The following ESR1 variants were observed in gnomAD, a reference collection of about 807,000 sequenced individuals.
ESR1 encodes the protein estrogen receptor 1, also known as estrogen receptor.
Under a neutral mutation model 52.7 loss-of-function variants are expected in ESR1, and 12 were observed. That is an observed-to-expected ratio of 0.23 (90% confidence interval 0.15 to 0.37). ESR1 has a LOEUF of 0.37. Ranked by LOEUF, ESR1 falls within the 10% of genes least tolerant of loss-of-function variation. ESR1 has a pLI of 1.00. For missense variants in ESR1, 584 were observed against 779.7 expected (o/e 0.75, Z 2.99); for synonymous variants, 305 against 316.8 (o/e 0.96, Z 0.39).
At position 151,832,313 on chromosome 6, in the gene ESR1, G is replaced by T. The variant is rs139824366; in HGVS notation, c.453-10284G>T. On this transcript the variant is annotated intron_variant, in intron 1 of 7. Coordinates refer to ENST00000206249, the MANE Select transcript of ESR1 (RefSeq NM_000125.4). ...GAGCTTTCCTAAAAAGGAGGATCAG[G>T]ATTTTCCTCTCCAGACTCTATCATT... is the stretch of plus-strand genomic sequence containing the variant. Among the ~76,000 whole-genome samples the T allele has an allele frequency of 2.7e-3, 409 of 152,234 alleles. 2 individuals carry two copies. The highest frequency in any genetic ancestry group is 7.4e-3 in the Admixed American group (113 of 15,292).
chr6:151,681,312 A>G (rs1001691957), intron 1 of ESR1, among the ~76,000 whole-genome samples: 28 of 152,120 alleles, frequency 1.8e-4, no homozygotes, highest in Non-Finnish European at 1.5e-4. Flanking sequence ...ACAGGTGGGG[A>G]AAATGCCTCA....
chr6:152,098,367 G>A lies in ESR1; in HGVS notation c.1554-365G>A, dbSNP rs530496621. Among the ~76,000 whole-genome samples, 4 of 152,106 alleles carry A rather than the reference G, an allele frequency of 2.6e-5. No individual in the cohort carries two copies. The highest frequency in any genetic ancestry group is 1.3e-4 in the Admixed American group (2 of 15,286). The stretch of plus-strand genomic sequence containing the variant: ...TCATGTTGTCTTTTTAGAAGCTTTG[G>A]CGATCCTATTTGAATGCATTTAGGT... On this transcript the variant is annotated intron_variant, in intron 7 of 7. Transcript: ENST00000206249. This position sits in a 1 kb window ranked among gnomAD's most constrained non-coding sequence, Gnocchi z 5.1.
chr6:151,975,393 T>C (rs954996161), intron 4 of ESR1, among the ~76,000 whole-genome samples: 1 of 152,110 alleles, frequency 6.6e-6, no homozygotes. Context: ...TCTATATCAA[T>C]TTGATGTATT....
chr6:151,858,484 A>G (rs1788281782), intron 2 of ESR1, among the ~76,000 whole-genome samples: 1 of 152,132 alleles, frequency 6.6e-6, no homozygotes, highest in Admixed American at 6.5e-5. Context: ...CACATAGACT[A>G]GATACACTGA....
At position 151,858,308 on chromosome 6, in the gene ESR1, C is replaced by T. The variant is rs1788245285; in HGVS notation, c.643+15521C>T. ...AATCTAGGTCTTTACAGCTGCTGGC[C>T]TGACCAGCAAGGGTAAAATATTTCA... is the stretch of plus-strand genomic sequence containing the variant. On this transcript the variant is annotated intron_variant, in intron 2 of 7. Coordinates refer to ENST00000206249, the MANE Select transcript of ESR1 (RefSeq NM_000125.4). Among the ~76,000 whole-genome samples the T allele has an allele frequency of 2.0e-5, 3 of 152,276 alleles. No individual in the cohort carries two copies. The South Asian group carries it at 6.2e-4, about 32-fold the overall frequency.
At chr6:151,847,131 C>T (rs1462142232) in intron 2 of ESR1, among the ~76,000 whole-genome samples, 1 of 152,044 alleles carries the variant, frequency 6.6e-6, no homozygotes. Flanking sequence ...GATCTTTGGC[C>T]AGGAAGACAT....
At chr6:151,902,642 A>G (rs1163168753) in intron 3 of ESR1, among the ~76,000 whole-genome samples, 1 of 152,236 alleles carries the variant, frequency 6.6e-6, no homozygotes, top group African/African-American at 2.4e-5. Context: ...TGAACAAGAT[A>G]CGTAACCTCT....
At chr6:151,811,442 G>A (rs899164568) in intron 1 of ESR1, among the ~76,000 whole-genome samples, 4 of 152,128 alleles carry the variant, frequency 2.6e-5, no homozygotes, top group African/African-American at 9.7e-5. Flanking sequence ...GCTTATTTCA[G>A]TTTTATTACT....
intron 1 of ESR1, among the ~76,000 whole-genome samples, chr6:151,674,658 G>A (rs1340610568): frequency 3.3e-5 from 5 of 152,202 alleles, no homozygotes. Context: ...GTATAAAAGT[G>A]TTCCTATTTC....
Position 151,949,415 on chromosome 6 carries a change from A to G in ESR1, c.1096+4907A>G, listed in dbSNP as rs4870064. On this transcript the variant is annotated intron_variant, in intron 4 of 7. Coordinates refer to ENST00000206249, the MANE Select transcript of ESR1 (RefSeq NM_000125.4). ...GGGCTTCCCAGCACTCTGCTTCCCA[A>G]CCTGTCATTGGACCAGTAAACCCTG... Among the ~76,000 whole-genome samples, 841 of 152,256 alleles carry G rather than the reference A, an allele frequency of 5.5e-3. 31 individuals carry two copies. Among genetic ancestry groups the G allele is most frequent in the Admixed American group, 0.04 (619 of 15,296 alleles).
At chr6:151,721,692 A>G (rs1781472539) in intron 2 of ESR1, among the ~76,000 whole-genome samples, 1 of 152,236 alleles carries the variant, frequency 6.6e-6, no homozygotes, top group Non-Finnish European at 1.5e-5. Context: ...CAAAGCTGGG[A>G]GAATAAGATA....
At chr6:152,017,669 G>A (rs557300945) in intron 5 of ESR1, among the ~76,000 whole-genome samples, 128 of 152,100 alleles carry the variant, frequency 8.4e-4, no homozygotes, top group African/African-American at 2.9e-3. Flanking sequence ...CTGCTTGAGT[G>A]CTCATGATGG....
intron 5 of ESR1, among the ~76,000 whole-genome samples, chr6:152,013,951 G>T (rs2042971408): frequency 1.3e-5 from 2 of 152,074 alleles, no homozygotes; most frequent in African/African-American, 4.8e-5. Flanking sequence ...AGCTCCCATA[G>T]TTCCCATGTG....
chr6:151,690,309 C>G (rs1052041026), upstream of ESR1, among the ~76,000 whole-genome samples: 5 of 152,088 alleles, frequency 3.3e-5, no homozygotes, highest in Admixed American at 1.3e-4. Flanking sequence ...ATATTTCAGG[C>G]AGATTAACAC....
chr6:151,991,107 G>A (rs1230358777), intron 4 of ESR1, among the ~76,000 whole-genome samples: 11 of 152,090 alleles, frequency 7.2e-5, no homozygotes, highest in African/African-American at 2.7e-4. Context: ...TTTAAGAGGA[G>A]AATGTTAAGC....
chr6:152,063,002 T>C (rs1003552013), intron 6 of ESR1, among the ~76,000 whole-genome samples: 1 of 152,168 alleles, frequency 6.6e-6, no homozygotes, highest in Non-Finnish European at 1.5e-5. Flanking sequence ...GTTGGATTCA[T>C]AGACCCAGGG....
chr6:152,004,497 A>G lies in ESR1; in HGVS notation c.1097-7159A>G, dbSNP rs2042186813. Among the ~76,000 whole-genome samples, 3 of 152,002 alleles carry G rather than the reference A, an allele frequency of 2.0e-5. No individual in the cohort carries two copies. In the South Asian group the frequency reaches 6.2e-4, roughly 31 times the overall value. On this transcript the variant is annotated intron_variant, in intron 4 of 7. Coordinates refer to ENST00000206249, the MANE Select transcript of ESR1 (RefSeq NM_000125.4). The stretch of plus-strand genomic sequence containing the variant: ...CATGTAGTTTATACCTCATGTATGC[A>G]TTACAGTAGAGAGCTCCAGGAAATA...
intron 6 of ESR1, among the ~76,000 whole-genome samples, chr6:152,077,087 G>A (rs551418618): frequency 1.8e-4 from 27 of 152,164 alleles, no homozygotes; most frequent in South Asian, 6.2e-4. Flanking sequence ...TCACAGACCC[G>A]GAAGCCTAGG....
chr6:151,900,348 G>GT lies in ESR1; in HGVS notation c.760+19578dup, dbSNP rs370556742. On this transcript the variant is annotated intron_variant, in intron 3 of 7. Transcript: ENST00000206249. ...CTGAAGATTTCTCCCCTCATTTCTT[G>GT]TATCATTTTTTTGACTTCCTTAAAT... is the stretch of plus-strand genomic sequence containing the variant. Among the ~76,000 whole-genome samples the GT allele has an allele frequency of 3.3e-3, 507 of 152,078 alleles. 3 individuals are homozygous for GT. The highest frequency in any genetic ancestry group is 0.012 in the African/African-American group (485 of 41,478).
Sources: gnomAD v4.1 joint callset for allele counts (sites outside exome capture counted in the v4.1 genomes callset) on GRCh38, gnomAD v4.1.1 for gene constraint, Gnocchi (gnomAD v3.1) non-coding constraint, MANE v1.5 for transcripts, NCBI Gene and HGNC (gene_info 2026-07-23, HGNC 2026-07-21) for gene names.